The following CTNNA3 variants were observed in gnomAD, a reference collection of about 807,000 sequenced individuals.
CTNNA3 encodes the protein catenin alpha 3.
CTNNA3 carries 76 observed loss-of-function variants against 95.7 expected under a neutral mutation model. The observed-to-expected ratio is 0.79, with a 90% CI of 0.66 to 0.96. CTNNA3 has a LOEUF of 0.96. Among genes scored for constraint, CTNNA3 ranks in the 40% least tolerant of loss-of-function variants. The pLI is 0.00. For synonymous variants in CTNNA3, 431 were observed against 374.4 expected (o/e 1.15, Z -1.74); for missense variants, 1,191 against 1,089.8 (o/e 1.09, Z -1.31).
chr10:66,820,212 A>G (rs1842256373), intron 7 of CTNNA3, among the ~76,000 whole-genome samples: 1 of 152,166 alleles, frequency 6.6e-6, no homozygotes, highest in Admixed American at 6.5e-5. Flanking sequence ...CTTTGAAAAC[A>G]TTACGCTAAA....
chr10:67,547,387 G>C (rs1840877849), intron 3 of CTNNA3, among the ~76,000 whole-genome samples: 1 of 152,140 alleles, frequency 6.6e-6, no homozygotes, highest in East Asian at 1.9e-4. Flanking sequence ...CTTATAATCA[G>C]CCTCAACAAA....
chr10:66,722,222 CA>C (rs1184922375), intron 9 of CTNNA3, among the ~76,000 whole-genome samples: 1 of 151,910 alleles, frequency 6.6e-6, no homozygotes, highest in African/African-American at 2.4e-5. Flanking sequence ...ACTAAAAATA[CA>C]AAAAATTAGC....
intron 11 of CTNNA3, among the ~76,000 whole-genome samples, chr10:66,420,190 A>G (rs767243139): frequency 6.6e-6 from 1 of 152,206 alleles, no homozygotes; most frequent in Non-Finnish European, 1.5e-5. Context: ...CAATAAAATA[A>G]GAATCCCATT....
intron 16 of CTNNA3, among the ~76,000 whole-genome samples, chr10:65,974,296 G>T (rs561351465): frequency 1.3e-5 from 2 of 152,286 alleles, no homozygotes; most frequent in Admixed American, 1.3e-4. Context: ...GCATTCATAT[G>T]TTCATTGCAG....
intron 5 of CTNNA3, among the ~76,000 whole-genome samples, chr10:67,447,194 G>A (rs1000960689): frequency 2.0e-5 from 3 of 152,240 alleles, no homozygotes; most frequent in African/African-American, 7.2e-5. Flanking sequence ...CCAATTACCA[G>A]GTGAATCTAG....
Position 66,790,532 on chromosome 10 carries a change from G to C in CTNNA3, c.1048-15008C>G, listed in dbSNP as rs375806598. Among the ~76,000 whole-genome samples the C allele has an allele frequency of 2.6e-5, 4 of 152,270 alleles. No homozygotes were observed. In the South Asian group the frequency reaches 8.3e-4, roughly 32 times the overall value. ...GAGAATATGAGAGACAAAGGCTAAAGAGTATCAATAATATAAACAACAATA... is the reference window on the plus strand; with the variant it reads ...GAGAATATGAGAGACAAAGGCTAAACAGTATCAATAATATAAACAACAATA... On this transcript the variant is annotated intron_variant, in intron 7 of 17. Coordinates refer to ENST00000433211, the MANE Select transcript of CTNNA3 (RefSeq NM_013266.4).
chr10:67,510,676 A>T (rs1396252748), intron 5 of CTNNA3, among the ~76,000 whole-genome samples: 2 of 152,000 alleles, frequency 1.3e-5, no homozygotes, highest in African/African-American at 4.8e-5. Context: ...TGGCACTACA[A>T]GCTCTTTTTT....
intron 1 of CTNNA3, among the ~76,000 whole-genome samples, chr10:67,705,469 T>C (rs1230885096): frequency 3.3e-5 from 5 of 149,860 alleles, no homozygotes; most frequent in East Asian, 2.0e-4. Flanking sequence ...TGAGTTCATG[T>C]CCTTTGTAGG....
At chr10:66,368,767 T>G (rs896587929) in intron 12 of CTNNA3, among the ~76,000 whole-genome samples, 2 of 152,116 alleles carry the variant, frequency 1.3e-5, no homozygotes, top group Non-Finnish European at 2.9e-5. Flanking sequence ...TTTAACTTAC[T>G]TCTTCTTCCC....
intron 15 of CTNNA3, among the ~76,000 whole-genome samples, chr10:65,996,760 C>G (rs1589229295): frequency 6.6e-6 from 1 of 152,202 alleles, no homozygotes; most frequent in African/African-American, 2.4e-5. Context: ...ACTGGGGTGA[C>G]TCTCCAAGCT....
intron 13 of CTNNA3, among the ~76,000 whole-genome samples, chr10:66,214,967 C>T (rs1404450429): frequency 6.6e-6 from 1 of 151,932 alleles, no homozygotes; most frequent in African/African-American, 2.4e-5. Context: ...ACTGAAAAAA[C>T]TTCCAAGGTT....
intron 10 of CTNNA3, among the ~76,000 whole-genome samples, chr10:66,605,169 G>A (rs1844074532): frequency 6.6e-6 from 1 of 152,076 alleles, no homozygotes; most frequent in African/African-American, 2.4e-5. Context: ...GCCATCACAA[G>A]CATTAATCGT....
At chr10:67,150,934 A>T (rs908844472) in intron 7 of CTNNA3, among the ~76,000 whole-genome samples, 1 of 152,194 alleles carries the variant, frequency 6.6e-6, no homozygotes, top group Non-Finnish European at 1.5e-5. Context: ...AAGTTCATAA[A>T]TGGATAGTAA....
intron 10 of CTNNA3, among the ~76,000 whole-genome samples, chr10:66,582,110 T>C (rs1304119787): frequency 1.3e-5 from 2 of 151,876 alleles, no homozygotes; most frequent in African/African-American, 4.8e-5. Context: ...TCGTTTAGGT[T>C]GCTTTGACTA....
At chr10:66,015,105 AAAT>A (rs374364944) in intron 15 of CTNNA3, among the ~76,000 whole-genome samples, 48 of 150,154 alleles carry the variant, frequency 3.2e-4, no homozygotes, top group African/African-American at 9.5e-4. Context: ...CTGTCTCAAA[AAAT>A]AATAATAATA....
At chr10:67,285,264 T>A (rs1302566979) in intron 5 of CTNNA3, among the ~76,000 whole-genome samples, 2 of 152,162 alleles carry the variant, frequency 1.3e-5, no homozygotes. Context: ...AGGAGAAAAT[T>A]GTTTTTCCTC....
intron 11 of CTNNA3, among the ~76,000 whole-genome samples, chr10:66,484,735 T>C (rs1410956240): frequency 6.6e-6 from 1 of 151,970 alleles, no homozygotes; most frequent in East Asian, 1.9e-4. Context: ...TTTACAAGGC[T>C]AGCATTACCC....
chr10:67,484,806 C>CA (rs1472201089), intron 5 of CTNNA3, among the ~76,000 whole-genome samples: 1 of 151,744 alleles, frequency 6.6e-6, no homozygotes, highest in Non-Finnish European at 1.5e-5. Flanking sequence ...ATGAAAAAGT[C>CA]AAAAAAACAA....
intron 13 of CTNNA3, among the ~76,000 whole-genome samples, chr10:66,277,219 T>A (rs2091416961): frequency 6.6e-6 from 1 of 152,144 alleles, no homozygotes; most frequent in African/African-American, 2.4e-5. Flanking sequence ...AATCATATTT[T>A]TATAAAACCC....
Sources: allele counts gnomAD v4.1 joint callset (sites outside exome capture counted in the v4.1 genomes callset), GRCh38; gene constraint gnomAD v4.1.1; transcripts MANE v1.5; gene names NCBI Gene and HGNC (gene_info 2026-07-23, HGNC 2026-07-21).